TBL2: variants seen among roughly 807,000 people sequenced by gnomAD.
TBL2 encodes transducin beta like 2, also known as transducin beta-like protein 2.
Under a neutral mutation model 41.8 loss-of-function variants are expected in TBL2, and 33 were observed. The ratio of observed to expected loss-of-function variants is 0.79; its 90% CI spans 0.60 to 1.06. The LOEUF is 1.06. TBL2 is among the 50% of genes least tolerant of loss of function. The pLI, the probability that TBL2 is intolerant of heterozygous loss-of-function variation, is 0.00. For synonymous variants in TBL2, 239 were observed against 241.7 expected (o/e 0.99, Z 0.10); for missense variants, 522 against 603.8 (o/e 0.86, Z 1.42).
chr7:73,577,267 A>C lies in TBL2; in HGVS notation c.130+1153T>G, dbSNP rs1227374995. On this transcript the variant is annotated intron_variant, in intron 1 of 6. Coordinates refer to ENST00000305632, the MANE Select transcript of TBL2 (RefSeq NM_012453.4). ...AGAGCAAAACTCCGTCCCCCTGCAA[A>C]AAAAAAAAAAAAAAAAATGCAGGGC... Among the ~76,000 whole-genome samples, 263 of 148,548 alleles carry C rather than the reference A, an allele frequency of 1.8e-3. 1 individual carries two copies. Among genetic ancestry groups the C allele is most frequent in the African/African-American group, 5.9e-3 (238 of 40,390 alleles).
At position 73,573,341 on chromosome 7, in the gene TBL2, C is replaced by T. The variant is rs199565638; in HGVS notation, c.577G>A (p.Asp193Asn). The T allele has an allele frequency of 3.1e-6, 5 of 1,614,170 alleles. No individual in the cohort carries two copies. Among genetic ancestry groups the T allele is most frequent in the Admixed American group, 1.7e-5 (1 of 60,018 alleles). Residue 193 changes from aspartate (D) to asparagine (N), a missense_variant, in exon 4 of 7, where the codon GAC (aspartate) becomes AAC (asparagine). Physicochemically the swap from Asp to Asn is conservative, Grantham distance 23 (BLOSUM62 1). Coordinates refer to ENST00000305632, the MANE Select transcript of TBL2 (RefSeq NM_012453.4). ...FPKKHKAPVI[D>N]IGIANTGKFI... ...TTACCTGTGTTAGCAATGCCAATGT[C>T]GATGACAGGCGCCTTGTGCTTTTTA...
intron 1 of TBL2, among the ~76,000 whole-genome samples, chr7:73,575,448 G>A (rs868962789): frequency 6.6e-6 from 1 of 152,068 alleles, no homozygotes; most frequent in African/African-American, 2.4e-5. Flanking sequence ...CCGCCACCAT[G>A]CCCGGCTAAT....
rs1285484800 is a variant in TBL2 at position 73,567,581 on chromosome 7, C to G, written c.*2926G>C. On this transcript the variant is annotated 3_prime_UTR_variant, in exon 7 of 7. Transcript: ENST00000305632. ...TTTTTTTTTTGAAAAATTTCACACC[C>G]ACAGATGTTGAAATTATAATATTAA... Among the ~76,000 whole-genome samples the G allele has an allele frequency of 1.3e-5, 2 of 152,006 alleles. No homozygotes were observed. Among genetic ancestry groups the G allele is most frequent in the Non-Finnish European group, 2.9e-5 (2 of 68,008 alleles).
rs1792806869 is a variant in TBL2 at position 73,569,734 on chromosome 7, A to G, written c.*773T>C. 6.6e-6 allele frequency: 1 copy of G among 152,202 alleles called. No individual in the cohort carries two copies. The highest frequency in any genetic ancestry group is 2.4e-5 in the African/African-American group (1 of 41,460). The allele number at this position is 152,202 out of a possible 1,614,324, so 9.4% of individuals were successfully genotyped here. A position where few individuals can be genotyped will look rare whatever the true frequency, so the allele number is the denominator to read the frequency against. ...ACTCAAATATCTGATGAACTTGATG[A>G]ACTGAAAAGAGGTCTCCTTAAACAA... On this transcript the variant is annotated 3_prime_UTR_variant, in exon 7 of 7. Coordinates refer to ENST00000305632, the MANE Select transcript of TBL2 (RefSeq NM_012453.4).
chr7:73,571,404 C>T, intron 5 of TBL2, 63 bp from the exon 6 acceptor site: 1 of 1,597,658 alleles, frequency 6.3e-7, no homozygotes, highest in Middle Eastern at 1.7e-4. Context: ...CTGTAAAACC[C>T]CTCAATCTCT....
intron 1 of TBL2, among the ~76,000 whole-genome samples, chr7:73,577,439 T>C (rs1263608444): frequency 6.6e-6 from 1 of 151,864 alleles, no homozygotes; most frequent in African/African-American, 2.4e-5. Flanking sequence ...CCAGGCGTGG[T>C]GGTGTGTGCC....
intron 1 of TBL2, chr7:73,577,987 A>G (rs1363393230): frequency 7.0e-6 from 3 of 430,350 alleles, no homozygotes; most frequent in Non-Finnish European, 8.2e-6. Context: ...TTAGGTGTTC[A>G]TAATACAGAT....
chr7:73,573,892 G>A (rs1167671237), intron 3 of TBL2, 46 bp downstream of exon 3: 3 of 1,599,588 alleles, frequency 1.9e-6, no homozygotes, highest in Admixed American at 3.4e-5. Context: ...GCCAAAGCCT[G>A]GGACTAGGCC....
chr7:73,570,943 C>T lies in TBL2; in HGVS notation c.908G>A (p.Trp303Ter). ...RMASVSKDGT[W>*]KLWDTDVEYK... ...TTCCACATCTGTGTCCCACAGTTTCCATGTACCATCCTTGGAGACAGAAGC... is the reference window on the plus strand; with the variant it reads ...TTCCACATCTGTGTCCCACAGTTTCTATGTACCATCCTTGGAGACAGAAGC... The change falls in exon 7 of 7, where the codon TGG (tryptophan) becomes TAG (stop). Residue 303 changes from tryptophan to a stop codon, truncating the protein, a stop_gained. Coordinates refer to ENST00000305632, the MANE Select transcript of TBL2 (RefSeq NM_012453.4). LOFTEE classifies it high-confidence loss of function. The T allele has an allele frequency of 1.9e-6, 3 of 1,609,642 alleles. No homozygotes were observed. The highest frequency in any genetic ancestry group is 2.5e-6 in the Non-Finnish European group (3 of 1,177,440).
At chr7:73,576,592 G>C (rs1296250557) in intron 1 of TBL2, 2 of 456,272 alleles carry the variant, frequency 4.4e-6, no homozygotes, top group Non-Finnish European at 8.8e-6. Flanking sequence ...CTGTGCGGGG[G>C]AGTGGAGCCA....
chr7:73,571,087 C>G (rs1279883243), intron 6 of TBL2, 102 bp downstream of exon 6: 1 of 1,582,140 alleles, frequency 6.3e-7, no homozygotes, highest in African/African-American at 1.4e-5. Context: ...GAGGGCCAGG[C>G]ACCCCACCCT....
intron 1 of TBL2, among the ~76,000 whole-genome samples, chr7:73,575,457 A>AT (rs1374516946): frequency 2.6e-5 from 4 of 151,138 alleles, no homozygotes; most frequent in Admixed American, 6.6e-5. Flanking sequence ...TGCCCGGCTA[A>AT]TTTTTTTTTG....
chr7:73,569,285 G>A lies in TBL2; in HGVS notation c.*1222C>T, dbSNP rs1330112265. On this transcript the variant is annotated 3_prime_UTR_variant, in exon 7 of 7. Transcript: ENST00000305632. ...GGGATAATGAATGGGGAGTCATCAA[G>A]GATAACTCCACGGTTGTGGCTTGTT... 2 of 152,166 alleles carry A rather than the reference G, an allele frequency of 1.3e-5. No homozygotes were observed. The highest frequency in any genetic ancestry group is 2.9e-5 in the Non-Finnish European group (2 of 68,050). 9.4% of individuals were successfully genotyped at this position (152,166 alleles called of 1,614,324 possible).
chr7:73,577,256 T>TC (rs1480878394), intron 1 of TBL2, among the ~76,000 whole-genome samples: 1 of 42,062 alleles, frequency 2.4e-5, no homozygotes, highest in Non-Finnish European at 5.3e-5. Flanking sequence ...CAAAACTCCG[T>TC]CCCCCTGCAA....
Position 73,570,876 on chromosome 7 carries a change from G to A in TBL2, c.975C>T (p.Arg325=). ...KQDPYLLKTG[R]FEEAAGAAPC... ...GCGCGGCACCCGCCGCCTCTTCAAA[G>A]CGGCCTGTCTTCAGCAAGTAGGGGT... Residue 325 remains arginine, a synonymous_variant, in exon 7 of 7, where the codon CGC becomes CGT. Transcript: ENST00000305632. The A allele has an allele frequency of 6.2e-7, 1 of 1,613,872 alleles. No individual in the cohort carries two copies. The highest frequency in any genetic ancestry group is 8.5e-7 in the Non-Finnish European group (1 of 1,180,014).
intron 2 of TBL2, 91 bp downstream of exon 2, chr7:73,574,292 A>C: frequency 6.4e-7 from 1 of 1,563,818 alleles, no homozygotes; most frequent in Non-Finnish European, 8.7e-7. Context: ...GATCAGAGGC[A>C]GGAGAGCCTG....
At position 73,570,607 on chromosome 7, in the gene TBL2, T is replaced by C. The variant is rs782115467; in HGVS notation, c.1244A>G (p.His415Arg). ...GCTCTCGTTGGAGGCCCGCTTCAGG[T>C]GGCCCTGCATCTCCTCCACCATGGC... ...HRAMVEEMQG[H>R]LKRASNESTR... The change falls in exon 7 of 7, where the codon CAC (histidine) becomes CGC (arginine). Residue 415 changes from histidine (H) to arginine (R), a missense_variant. His to Arg is a conservative substitution (Grantham distance 29). Transcript: ENST00000305632. 1.2e-6 allele frequency: 2 copies of C among 1,613,236 alleles called. No individual in the cohort carries two copies.
In TBL2 at chr7:73,570,160, A is replaced by T. The variant is rs1792833612; in HGVS notation, c.*347T>A. The T allele has an allele frequency of 4.6e-6, 1 of 215,298 alleles. No homozygotes were observed. Among genetic ancestry groups the T allele is most frequent in the Non-Finnish European group, 9.3e-6 (1 of 108,078 alleles). 13.3% of individuals were successfully genotyped at this position (215,298 alleles called of 1,614,324 possible). On this transcript the variant is annotated 3_prime_UTR_variant, in exon 7 of 7. Coordinates refer to ENST00000305632, the MANE Select transcript of TBL2 (RefSeq NM_012453.4). ...CTAGGTTGTTCTGGAACATTTACAA[A>T]CTTCTTTGGGTGTGAGGATGTGCTG...
At chr7:73,574,269 CCCCG>C in intron 2 of TBL2, 110 bp downstream of exon 2, 1 of 1,526,878 alleles carries the variant, frequency 6.5e-7, no homozygotes, top group South Asian at 1.2e-5. Context: ...AATTAAGCAC[CCCCG>C]CTGATTCTGA....
Sources: allele counts gnomAD v4.1 joint callset (sites outside exome capture counted in the v4.1 genomes callset), GRCh38; gene constraint gnomAD v4.1.1; transcripts MANE v1.5; gene names NCBI Gene and HGNC (gene_info 2026-07-23, HGNC 2026-07-21).